Variants in LIPI observed in about 807,000 individuals in gnomAD.
The protein encoded by LIPI is lipase I, also known as lipase member I.
LIPI carries 59 observed loss-of-function variants against 50.6 expected under a neutral mutation model. The ratio of observed to expected loss-of-function variants is 1.16; its 90% confidence interval spans 0.94 to 1.45. The LOEUF (loss-of-function observed/expected upper bound fraction) is 1.45, where lower values mean the gene tolerates loss of function less well. LIPI is among the 40% of genes most tolerant of loss of function. The pLI, the probability that LIPI is intolerant of heterozygous loss-of-function variation, is 0.00. For synonymous variants in LIPI, 203 were observed against 178.2 expected (o/e 1.14, Z -1.11); for missense variants, 586 against 536.3 (o/e 1.09, Z -0.92).
intron 8 of LIPI, among the ~76,000 whole-genome samples, chr21:14,149,948 A>T (rs2018032951): frequency 6.6e-6 from 1 of 152,168 alleles, no homozygotes; most frequent in Non-Finnish European, 1.5e-5. Flanking sequence ...CTACCAATCT[A>T]GAGTCTGGAG....
intron 4 of LIPI, among the ~76,000 whole-genome samples, chr21:14,180,156 G>T (rs538895006): frequency 6.6e-6 from 1 of 152,234 alleles, no homozygotes; most frequent in South Asian, 2.1e-4. Context: ...GCTTCCTAGG[G>T]TGGGGAAAAG....
intron 9 of LIPI, among the ~76,000 whole-genome samples, chr21:14,116,495 G>A (rs567732846): frequency 2.6e-5 from 4 of 152,320 alleles, no homozygotes; most frequent in Admixed American, 1.3e-4. Flanking sequence ...CATTGAAGCC[G>A]ACTCCATTAG....
intron 7 of LIPI, among the ~76,000 whole-genome samples, chr21:14,163,209 G>A (rs1278594168): frequency 6.6e-6 from 1 of 151,362 alleles, no homozygotes; most frequent in Admixed American, 6.6e-5. Context: ...TTGTTTCTTT[G>A]GGAAAATATT....
chr21:14,164,951 G>A (rs1178097096), intron 6 of LIPI, among the ~76,000 whole-genome samples: 1 of 152,024 alleles, frequency 6.6e-6, no homozygotes, highest in Non-Finnish European at 1.5e-5. Context: ...TTGTACATCA[G>A]GAACAAGAAT....
chr21:14,110,949 T>G (rs118034967), intron 9 of LIPI, among the ~76,000 whole-genome samples: 6,537 of 148,230 alleles, frequency 0.044, 207 homozygotes, highest in Non-Finnish European at 0.07. Flanking sequence ...ACTATATATA[T>G]ATAATATACA....
intron 6 of LIPI, 74 bp downstream of exon 6, chr21:14,165,149 T>C: frequency 2.5e-6 from 3 of 1,182,618 alleles, no homozygotes; most frequent in Non-Finnish European, 3.7e-6. Flanking sequence ...CAGTTTAGCT[T>C]CCAGCAGAAA....
intron 2 of LIPI, 98 bp from the exon 3 acceptor site, chr21:14,186,167 C>T (rs2019450442): frequency 1.3e-6 from 1 of 769,714 alleles, no homozygotes. Flanking sequence ...CATTATTTTT[C>T]TGGCTTGATT....
chr21:14,145,112 C>A (rs963340459), intron 8 of LIPI, among the ~76,000 whole-genome samples: 1 of 146,146 alleles, frequency 6.8e-6, no homozygotes, highest in South Asian at 2.2e-4. Context: ...GAGAAGTCAT[C>A]CTATATGTGT....
At chr21:14,186,736 A>G (rs1041581347) in intron 2 of LIPI, among the ~76,000 whole-genome samples, 4 of 152,170 alleles carry the variant, frequency 2.6e-5, no homozygotes, top group Admixed American at 1.3e-4. Flanking sequence ...TGGAACCCTC[A>G]TGAAAGGGAT....
rs11911582 is a variant in LIPI, at chr21:14,179,702, C to T, written c.643+2056G>A. ...AATAATACTTTTATAACTTCTTATGCCTGTCTTTACTTTAATCCCTTAATC... is the reference window on the plus strand; with the variant it reads ...AATAATACTTTTATAACTTCTTATGTCTGTCTTTACTTTAATCCCTTAATC... On this transcript the variant is annotated intron_variant, in intron 4 of 9. Coordinates refer to ENST00000681601, the MANE Select transcript of LIPI (RefSeq NM_001302998.2). Among the ~76,000 whole-genome samples, 607 of 152,276 alleles carry T rather than the reference C, an allele frequency of 4.0e-3. 4 individuals carry two copies. Among genetic ancestry groups the T allele is most frequent in the African/African-American group, 0.014 (574 of 41,570 alleles).
chr21:14,150,924 C>G (rs2123089003), intron 8 of LIPI, among the ~76,000 whole-genome samples: 1 of 152,278 alleles, frequency 6.6e-6, no homozygotes, highest in East Asian at 1.9e-4. Flanking sequence ...ACTACCAGTT[C>G]TATACGACTG....
At chr21:14,118,473 T>C (rs753278383) in intron 9 of LIPI, among the ~76,000 whole-genome samples, 8 of 152,118 alleles carry the variant, frequency 5.3e-5, no homozygotes, top group Non-Finnish European at 8.8e-5. Context: ...TTTGCCAAAC[T>C]GCCCAGTGCC....
At chr21:14,208,705 A>G (rs1391107103) in intron 1 of LIPI, among the ~76,000 whole-genome samples, 3 of 152,238 alleles carry the variant, frequency 2.0e-5, no homozygotes, top group Non-Finnish European at 1.5e-5. Context: ...AGTAGGTGCA[A>G]AAGAGACTGT....
intron 4 of LIPI, among the ~76,000 whole-genome samples, chr21:14,177,560 C>A (rs937922147): frequency 6.6e-6 from 1 of 151,970 alleles, no homozygotes; most frequent in Non-Finnish European, 1.5e-5. Context: ...TTTTGTCCTT[C>A]ATTTTCTTGC....
chr21:14,116,131 T>C (rs1003040319), intron 9 of LIPI, among the ~76,000 whole-genome samples: 2 of 151,978 alleles, frequency 1.3e-5, no homozygotes, highest in African/African-American at 2.4e-5. Context: ...GGAGCCTAAC[T>C]AGGCTCATCT....
chr21:14,130,018 G>T (rs1330693730), intron 9 of LIPI, among the ~76,000 whole-genome samples: 1 of 152,156 alleles, frequency 6.6e-6, no homozygotes, highest in Admixed American at 6.6e-5. Flanking sequence ...TGGAGAGGGG[G>T]TGGTGGAGAG....
intron 9 of LIPI, among the ~76,000 whole-genome samples, chr21:14,128,043 A>G (rs888079024): frequency 2.0e-5 from 3 of 152,136 alleles, no homozygotes; most frequent in Admixed American, 1.3e-4. Context: ...ATGATATAAC[A>G]TAGAACCAAT....
chr21:14,136,358 G>A (rs1011148146), intron 9 of LIPI, among the ~76,000 whole-genome samples: 9 of 152,144 alleles, frequency 5.9e-5, no homozygotes, highest in Admixed American at 5.2e-4. Context: ...GTGAGTCCCA[G>A]GCTAGTTAGC....
chr21:14,180,574 G>A (rs775510596), intron 4 of LIPI, among the ~76,000 whole-genome samples: 5 of 152,180 alleles, frequency 3.3e-5, no homozygotes, highest in Non-Finnish European at 7.3e-5. Context: ...AAAAAATTCA[G>A]ACAAGGGACT....
Sources: allele counts gnomAD v4.1 joint callset (sites outside exome capture counted in the v4.1 genomes callset), GRCh38; gene constraint gnomAD v4.1.1; transcripts MANE v1.5; gene names NCBI Gene and HGNC (gene_info 2026-07-23, HGNC 2026-07-21).